Variants in MUC13 observed in about 807,000 individuals in gnomAD.
MUC13 encodes mucin 13, cell surface associated.
MUC13 carries 32 observed loss-of-function variants against 48.3 expected under a neutral mutation model. The ratio of observed to expected loss-of-function variants is 0.66; its 90% CI spans 0.50 to 0.89. The LOEUF (loss-of-function observed/expected upper bound fraction) is 0.89, where lower values mean the gene tolerates loss of function less well. Ranked by LOEUF, MUC13 falls within the 40% of genes least tolerant of loss-of-function variation. MUC13 has a pLI of 0.00. For missense variants in MUC13, 571 were observed against 622.8 expected, an observed-to-expected ratio of 0.92 and a Z score of 0.88; for synonymous variants, 199 against 224.9, an observed-to-expected ratio of 0.88 and a Z score of 1.03.
intron 5 of MUC13, 116 bp downstream of exon 5, chr3:124,920,118 T>C: frequency 1.2e-6 from 1 of 865,020 alleles, no homozygotes; most frequent in Non-Finnish European, 1.9e-6. Flanking sequence ...ACTGACCCTC[T>C]CCTCTTAACT....
intron 2 of MUC13, among the ~76,000 whole-genome samples, chr3:124,923,940 A>G (rs1935646898): frequency 6.6e-6 from 1 of 152,220 alleles, no homozygotes; most frequent in African/African-American, 2.4e-5. Context: ...TTCTGACTCC[A>G]AGGAGTCAGG....
chr3:124,913,428 A>C, intron 7 of MUC13, 134 bp downstream of exon 7: 3 of 1,495,080 alleles, frequency 2.0e-6, no homozygotes, highest in Non-Finnish European at 2.7e-6. Context: ...GCCATGGTCC[A>C]TATGTCTAAA....
intron 9 of MUC13, 53 bp from the exon 10 acceptor site, chr3:124,910,552 T>C: frequency 6.2e-7 from 1 of 1,607,634 alleles, no homozygotes; most frequent in Non-Finnish European, 8.5e-7. Flanking sequence ...CCCCCAACTG[T>C]CTACTGCACA....
rs1447921670 is a variant in MUC13, at chr3:124,917,402, G to A, written c.801-922C>T. Among the ~76,000 whole-genome samples, 3 of 149,750 alleles carry A rather than the reference G, an allele frequency of 2.0e-5. No homozygotes were observed. The South Asian group carries it at 6.4e-4, about 32-fold the overall frequency. On this transcript the variant is annotated intron_variant, in intron 5 of 11. Coordinates refer to ENST00000616727, the MANE Select transcript of MUC13 (RefSeq NM_033049.4). ...TTGCTCTGTCACCAGGCTGGAGTGCGGTGGTGAGATCACGTCTTACTGCAG... is the reference window on the plus strand; with the variant it reads ...TTGCTCTGTCACCAGGCTGGAGTGCAGTGGTGAGATCACGTCTTACTGCAG...
chr3:124,918,632 G>T (rs565235541), intron 5 of MUC13, among the ~76,000 whole-genome samples: 2 of 152,306 alleles, frequency 1.3e-5, no homozygotes, highest in Non-Finnish European at 1.5e-5. Flanking sequence ...CAGTGACAAA[G>T]GTTCCGAGAG....
chr3:124,931,030 C>T (rs973955420), intron 1 of MUC13, among the ~76,000 whole-genome samples: 1 of 152,320 alleles, frequency 6.6e-6, no homozygotes, highest in Non-Finnish European at 1.5e-5. Context: ...GTACAAGACA[C>T]ACTTCCTGCC....
chr3:124,910,028 T>C (rs1287250394), intron 10 of MUC13, among the ~76,000 whole-genome samples: 2 of 152,230 alleles, frequency 1.3e-5, no homozygotes, highest in Non-Finnish European at 2.9e-5. Context: ...TTGTGAGTGA[T>C]TTTTAAATTC....
chr3:124,933,783 A>G (rs1489107584), intron 1 of MUC13, among the ~76,000 whole-genome samples: 1 of 152,020 alleles, frequency 6.6e-6, no homozygotes, highest in Non-Finnish European at 1.5e-5. Context: ...CTTTTTTCCT[A>G]TTAGTCCATC....
rs1377360775 is a variant in MUC13 at position 124,927,717 on chromosome 3, G to A, written c.329C>T (p.Thr110Ile). 5 of 1,614,084 alleles carry A rather than the reference G, an allele frequency of 3.1e-6. No individual in the cohort carries two copies. Among genetic ancestry groups the A allele is most frequent in the Non-Finnish European group, 3.4e-6 (4 of 1,180,040 alleles). The change falls in exon 2 of 12, where the codon ACA becomes ATA. Residue 110 changes from threonine to isoleucine, a missense_variant. Transcript: ENST00000616727. ...AGAGGTAGCTAATGAATTTACATTT[G>A]TGGTTGACTCACTGTCTGCAGCAGT... Reference protein sequence around the residue: ...IPTAADSESTTNVNSLATSDI... With the variant: ...IPTAADSESTINVNSLATSDI...
intron 10 of MUC13, among the ~76,000 whole-genome samples, chr3:124,909,596 C>T (rs1416150537): frequency 6.6e-6 from 1 of 151,742 alleles, no homozygotes; most frequent in African/African-American, 2.4e-5. Context: ...CTCTGCCTCC[C>T]AGTTCAAGGA....
chr3:124,910,647 C>T (rs1218558898), intron 9 of MUC13, 148 bp from the exon 10 acceptor site: 1 of 1,301,606 alleles, frequency 7.7e-7, no homozygotes, highest in Non-Finnish European at 1.0e-6. Context: ...GGTAGTTGGC[C>T]TATTTCCTTT....
At chr3:124,909,101 C>A (rs1476659217) in intron 10 of MUC13, among the ~76,000 whole-genome samples, 1 of 151,852 alleles carries the variant, frequency 6.6e-6, no homozygotes, top group African/African-American at 2.4e-5. Flanking sequence ...TTGCAGCGAG[C>A]CAAGATCATG....
intron 2 of MUC13, among the ~76,000 whole-genome samples, chr3:124,925,525 A>T (rs2107672653): frequency 6.6e-6 from 1 of 152,314 alleles, no homozygotes; most frequent in East Asian, 1.9e-4. Flanking sequence ...TGTTGATAAT[A>T]TATGTGTCAG....
chr3:124,926,592 G>A (rs1935691839), intron 2 of MUC13, among the ~76,000 whole-genome samples: 1 of 152,182 alleles, frequency 6.6e-6, no homozygotes, highest in Non-Finnish European at 1.5e-5. Flanking sequence ...TAAGGGTAGG[G>A]AGACATCCAC....
Position 124,913,189 on chromosome 3 carries a change from A to G in MUC13, c.1136T>C (p.Leu379Ser), listed in dbSNP as rs1446928786. ...AGGGGCCCCACCACTCTTCTTTATT[A>G]AGCATTGCTTGTGCTGTGCGTTGCA... is the stretch of plus-strand genomic sequence containing the variant. ...DACNAQHKQC[L>S]IKKSGGAPEC... Residue 379 changes from leucine to serine, a missense_variant, in exon 8 of 12, where the codon TTA (leucine) becomes TCA (serine). By Grantham distance (145) the Leu-to-Ser change is moderately radical. Transcript: ENST00000616727. The G allele has an allele frequency of 1.2e-6, 2 of 1,613,962 alleles. No individual in the cohort carries two copies. The highest frequency in any genetic ancestry group is 1.7e-6 in the Non-Finnish European group (2 of 1,180,008).
chr3:124,912,147 A>G lies in MUC13; in HGVS notation c.1215-6T>C, dbSNP rs1173923582. The G allele has an allele frequency of 1.2e-6, 2 of 1,612,546 alleles. No individual in the cohort carries two copies. Among genetic ancestry groups the G allele is most frequent in the Non-Finnish European group, 1.7e-6 (2 of 1,179,456 alleles). On this transcript the variant is annotated splice_polypyrimidine_tract_variant and splice_region_variant and intron_variant, in intron 8 of 11. Coordinates refer to ENST00000616727, the MANE Select transcript of MUC13 (RefSeq NM_033049.4). The stretch of plus-strand genomic sequence containing the variant: ...CACTGTAGCCAAATGCACACCTGAA[A>G]TACAGTGAGCAATAGGAAACAGTGT...
chr3:124,920,831 A>T (rs1241676751), intron 4 of MUC13, among the ~76,000 whole-genome samples: 1 of 152,352 alleles, frequency 6.6e-6, no homozygotes, highest in Middle Eastern at 3.4e-3. Flanking sequence ...AATGTACTGA[A>T]AACATCCGTG....
intron 1 of MUC13, among the ~76,000 whole-genome samples, chr3:124,934,202 C>T (rs564833037): frequency 9.2e-5 from 14 of 152,252 alleles, no homozygotes; most frequent in African/African-American, 3.1e-4. Context: ...GATGGAGTCT[C>T]GCTCTGTCAC....
At chr3:124,912,829 G>A (rs754042912) in intron 8 of MUC13, among the ~76,000 whole-genome samples, 3 of 151,598 alleles carry the variant, frequency 2.0e-5, no homozygotes, top group Admixed American at 1.3e-4. Context: ...CCAGCTACTC[G>A]GGAGGCTGAG....
Sources: allele counts gnomAD v4.1 joint callset (sites outside exome capture counted in the v4.1 genomes callset), GRCh38; gene constraint gnomAD v4.1.1; transcripts MANE v1.5; gene names NCBI Gene and HGNC (gene_info 2026-07-23, HGNC 2026-07-21).